Variants in PPP1R1A observed in about 807,000 individuals in gnomAD.
The protein encoded by PPP1R1A is protein phosphatase 1 regulatory subunit 1A.
Under a neutral mutation model 23.9 loss-of-function variants are expected in PPP1R1A, and 18 were observed. The observed-to-expected ratio is 0.75, with a 90% CI of 0.52 to 1.12. The LOEUF is 1.12. Among genes scored for constraint, PPP1R1A ranks in the 50% most tolerant of loss-of-function variants. The pLI, the probability that PPP1R1A is intolerant of heterozygous loss-of-function variation, is 0.00. For synonymous variants in PPP1R1A, 84 were observed against 80.7 expected, an observed-to-expected ratio of 1.04 and a Z score of -0.22; for missense variants, 207 against 223.8, an observed-to-expected ratio of 0.92 and a Z score of 0.48.
chr12:54,588,560 C>A lies in PPP1R1A; in HGVS notation c.-72G>T. 1 of 950,370 alleles carries A rather than the reference C, an allele frequency of 1.1e-6. No individual in the cohort carries two copies. 58.9% of individuals were successfully genotyped at this position (950,370 alleles called of 1,614,324 possible). A position where few individuals can be genotyped will look rare whatever the true frequency, so the allele number is the denominator to read the frequency against. On this transcript the variant is annotated 5_prime_UTR_variant, in exon 1 of 7. Transcript: ENST00000257905. The stretch of plus-strand genomic sequence containing the variant: ...CGGCGGGACTCGGGGCTGGGGCGGG[C>A]GCGCTCCCTCTCCGCTCCGCTCCGG...
In PPP1R1A at chr12:54,581,654, G is replaced by C. The variant is rs758605347; in HGVS notation, c.403+322C>G. Among the ~76,000 whole-genome samples the C allele has an allele frequency of 2.0e-5, 3 of 152,164 alleles. No homozygotes were observed. The highest frequency in any genetic ancestry group is 4.8e-5 in the African/African-American group (2 of 41,420). On this transcript the variant is annotated intron_variant, in intron 5 of 6. Transcript: ENST00000257905. The surrounding 1 kb of genome is among the most constrained non-coding windows in gnomAD (Gnocchi z 4.1). Reference sequence around the variant, plus strand: ...ATACCCTGAGGTTAAGTCGTTCAAGGCCTCTCAGCTGGTAAGGTAGCAAGT... The same window carrying C: ...ATACCCTGAGGTTAAGTCGTTCAAGCCCTCTCAGCTGGTAAGGTAGCAAGT...
intron 6 of PPP1R1A, 178 bp downstream of exon 6, chr12:54,580,766 C>T (rs1957847227): frequency 2.7e-6 from 2 of 741,510 alleles, no homozygotes; most frequent in Non-Finnish European, 4.9e-6. Flanking sequence ...TGCAGCTATC[C>T]ATTTCTTTTT....
chr12:54,588,365 T>C, intron 1 of PPP1R1A, 40 bp downstream of exon 1: 2 of 1,468,338 alleles, frequency 1.4e-6, no homozygotes, highest in Non-Finnish European at 1.8e-6. Flanking sequence ...CCCTCGTCCT[T>C]GGCTGGGCGA....
At chr12:54,582,996 A>G (rs965948051) in intron 3 of PPP1R1A, among the ~76,000 whole-genome samples, 2 of 152,002 alleles carry the variant, frequency 1.3e-5, no homozygotes, top group Non-Finnish European at 1.5e-5. Flanking sequence ...CACCTCGACA[A>G]TGGTGAGCAA....
chr12:54,584,364 A>G, intron 1 of PPP1R1A, 44 bp from the exon 2 acceptor site: 1 of 1,511,814 alleles, frequency 6.6e-7, no homozygotes. Context: ...GTACACGTGG[A>G]AGCATCAAAG....
At chr12:54,582,825 C>T (rs1194567562) in intron 3 of PPP1R1A, 30 bp from the exon 4 acceptor site, 2 of 1,604,790 alleles carry the variant, frequency 1.2e-6, no homozygotes, top group Non-Finnish European at 1.7e-6. Context: ...CAGATGGGCG[C>T]CAGCCCCCCC....
chr12:54,580,186 G>T lies in PPP1R1A; in HGVS notation c.*201C>A. Reference sequence around the variant, plus strand: ...AGAGGCAGCTTGGCAGGAGGGTGGGGGCTACAGAGAGGGCAGGGCAAGAAG... The same window carrying T: ...AGAGGCAGCTTGGCAGGAGGGTGGGTGCTACAGAGAGGGCAGGGCAAGAAG... On this transcript the variant is annotated 3_prime_UTR_variant, in exon 7 of 7. Coordinates refer to ENST00000257905, the MANE Select transcript of PPP1R1A (RefSeq NM_006741.4). 3 of 1,391,886 alleles carry T rather than the reference G, an allele frequency of 2.2e-6. No homozygotes were observed. Among genetic ancestry groups the T allele is most frequent in the Non-Finnish European group, 2.8e-6 (3 of 1,070,694 alleles). The allele number at this position is 1,391,886 out of a possible 1,614,324, so 86.2% of individuals were successfully genotyped here.
chr12:54,583,244 T>C lies in PPP1R1A; in HGVS notation c.150A>G (p.Ile50Met). ...VLTSDQSSPE[I>M]DEDRIPNPHL... The stretch of plus-strand genomic sequence containing the variant: ...GTGGGTTGGGGATCCGGTCTTCATC[T>C]ATCTCTGAAGGGAACAGGGAAAGGA... Residue 50 changes from isoleucine to methionine, a missense_variant, in exon 3 of 7, where the codon ATA becomes ATG. By Grantham distance (10) the Ile-to-Met change is conservative. Transcript: ENST00000257905. The C allele has an allele frequency of 1.3e-6, 2 of 1,531,986 alleles. No individual in the cohort carries two copies. Among genetic ancestry groups the C allele is most frequent in the Non-Finnish European group, 1.7e-6 (2 of 1,144,626 alleles). The allele number at this position is 1,531,986 out of a possible 1,614,324, so 94.9% of individuals were successfully genotyped here. A position where few individuals can be genotyped will look rare whatever the true frequency, so the allele number is the denominator to read the frequency against.
chr12:54,579,573 G>A lies in PPP1R1A; in HGVS notation c.*814C>T, dbSNP rs567091460. ...ACAGCAGCAGGAGAGAGGCCTGGCC[G>A]TGAGATCTGAGACAGTTTCTTCTCT... is the stretch of plus-strand genomic sequence containing the variant. On this transcript the variant is annotated 3_prime_UTR_variant, in exon 7 of 7. Transcript: ENST00000257905. The A allele has an allele frequency of 3.1e-4, 306 of 985,422 alleles. 1 individual carries two copies. The South Asian group carries it at 0.011, about 36-fold the overall frequency. 61.0% of individuals were successfully genotyped at this position (985,422 alleles called of 1,614,324 possible).
chr12:54,583,272 G>T, intron 2 of PPP1R1A, 24 bp from the exon 3 acceptor site: 2 of 1,490,062 alleles, frequency 1.3e-6, no homozygotes, highest in Non-Finnish European at 1.8e-6. Context: ...GGAAAGGAGA[G>T]GGTGATAAGG....
rs1957934316 is a variant in PPP1R1A at position 54,588,466 on chromosome 12, CG to C, written c.22del (p.Arg8GlufsTer34). 3 of 1,472,404 alleles carry C rather than the reference CG, an allele frequency of 2.0e-6. No individual in the cohort carries two copies. Among genetic ancestry groups the C allele is most frequent in the Non-Finnish European group, 1.8e-6 (2 of 1,105,166 alleles). The allele number at this position is 1,472,404 out of a possible 1,614,324, so 91.2% of individuals were successfully genotyped here. ...CAGCGGGACCGTGAACTGGATCTTT[CG>C]GGGGCTGTTGTCTTGCTCCATGGCT... MEQDNSP[R>X]KIQFTVPLLE... On this transcript the variant is annotated frameshift_variant, in exon 1 of 7. Coordinates refer to ENST00000257905, the MANE Select transcript of PPP1R1A (RefSeq NM_006741.4). LOFTEE classifies it high-confidence loss of function.
At chr12:54,585,624 G>C (rs1460654404) in intron 1 of PPP1R1A, among the ~76,000 whole-genome samples, 1 of 152,104 alleles carries the variant, frequency 6.6e-6, no homozygotes, top group Non-Finnish European at 1.5e-5. Context: ...GTAGGATGAG[G>C]ACACTGAATG....
chr12:54,579,807 A>G lies in PPP1R1A; in HGVS notation c.*580T>C, dbSNP rs566399579. The G allele has an allele frequency of 9.1e-6, 9 of 985,632 alleles. No individual in the cohort carries two copies. The highest frequency in any genetic ancestry group is 7.2e-6 in the Non-Finnish European group (6 of 830,072). The allele number at this position is 985,632 out of a possible 1,614,324, so 61.1% of individuals were successfully genotyped here. A position where few individuals can be genotyped will look rare whatever the true frequency, so the allele number is the denominator to read the frequency against. On this transcript the variant is annotated 3_prime_UTR_variant, in exon 7 of 7. Transcript: ENST00000257905. ...CAAAAGGAAGGCAGCTGGGGCTTGGAGGGCAGGCGAGGAGGTATCGGCACA... is the reference window on the plus strand; with the variant it reads ...CAAAAGGAAGGCAGCTGGGGCTTGGGGGGCAGGCGAGGAGGTATCGGCACA...
rs1421410816 is a variant in PPP1R1A, at chr12:54,579,259, T to C, written c.*1128A>G. Reference sequence around the variant, plus strand: ...ACCAGGCCTGACTGTGTGTGTTCACTGGGTACAAGTTGACCAAGCATCTTC... The same window carrying C: ...ACCAGGCCTGACTGTGTGTGTTCACCGGGTACAAGTTGACCAAGCATCTTC... On this transcript the variant is annotated 3_prime_UTR_variant, in exon 7 of 7. Transcript: ENST00000257905. 1 of 985,154 alleles carries C rather than the reference T, an allele frequency of 1.0e-6. No individual in the cohort carries two copies. The highest frequency in any genetic ancestry group is 1.8e-5 in the African/African-American group (1 of 57,114). The allele number at this position is 985,154 out of a possible 1,614,324, so 61.0% of individuals were successfully genotyped here.
chr12:54,585,710 C>A (rs1363652904), intron 1 of PPP1R1A, among the ~76,000 whole-genome samples: 1 of 151,576 alleles, frequency 6.6e-6, no homozygotes, highest in African/African-American at 2.4e-5. Flanking sequence ...GAGGTGAACA[C>A]TGCCCCTCTC....
rs1184809410 is a variant in PPP1R1A at position 54,587,779 on chromosome 12, C to T, written c.84+626G>A. ...AGGAGTTGGGAATAAGGGCCATGTGCGGAGACTTGAAGAAGGGAGCCTCAG... is the reference window on the plus strand; with the variant it reads ...AGGAGTTGGGAATAAGGGCCATGTGTGGAGACTTGAAGAAGGGAGCCTCAG... On this transcript the variant is annotated intron_variant, in intron 1 of 6. Transcript: ENST00000257905. Among the ~76,000 whole-genome samples the T allele has an allele frequency of 3.9e-5, 6 of 152,098 alleles. No individual in the cohort carries two copies. In the South Asian group the frequency reaches 8.3e-4, roughly 21 times the overall value.
chr12:54,587,459 G>C (rs1030578030), intron 1 of PPP1R1A, among the ~76,000 whole-genome samples: 2 of 152,208 alleles, frequency 1.3e-5, no homozygotes, highest in Admixed American at 6.5e-5. Flanking sequence ...CAAACAAGGA[G>C]TAGTAAGGAC....
In PPP1R1A at chr12:54,581,591, A is replaced by G. The variant is rs1326294784; in HGVS notation, c.403+385T>C. Among the ~76,000 whole-genome samples, 1 of 152,140 alleles carries G rather than the reference A, an allele frequency of 6.6e-6. No homozygotes were observed. The highest frequency in any genetic ancestry group is 1.5e-5 in the Non-Finnish European group (1 of 68,030). On this transcript the variant is annotated intron_variant, in intron 5 of 6. Coordinates refer to ENST00000257905, the MANE Select transcript of PPP1R1A (RefSeq NM_006741.4). This position sits in a 1 kb window ranked among gnomAD's most constrained non-coding sequence, Gnocchi z 4.1. ...ACAGCCAGTCTCATTTAATAGTCACACACAACCCACTGCAACAGGCACCCT... is the reference window on the plus strand; with the variant it reads ...ACAGCCAGTCTCATTTAATAGTCACGCACAACCCACTGCAACAGGCACCCT...
intron 1 of PPP1R1A, among the ~76,000 whole-genome samples, chr12:54,586,515 T>C (rs1259366449): frequency 6.6e-6 from 1 of 152,214 alleles, no homozygotes; most frequent in East Asian, 1.9e-4. Flanking sequence ...CTGTGCTCTA[T>C]AACTCAGAGC....
Sources: allele counts gnomAD v4.1 joint callset (sites outside exome capture counted in the v4.1 genomes callset), GRCh38; gene constraint gnomAD v4.1.1; non-coding constraint Gnocchi (gnomAD v3.1); transcripts MANE v1.5; gene names NCBI Gene and HGNC (gene_info 2026-07-23, HGNC 2026-07-21).